The following FNBP1L variants were observed in gnomAD, a reference collection of about 807,000 sequenced individuals.
FNBP1L encodes formin-binding protein 1-like.
FNBP1L carries 36 observed loss-of-function variants against 91.2 expected under a neutral mutation model. That is an observed-to-expected ratio of 0.39 (90% CI 0.30 to 0.52). The LOEUF (loss-of-function observed/expected upper bound fraction) is 0.52, where lower values mean the gene tolerates loss of function less well. FNBP1L is among the 20% of genes least tolerant of loss of function. The probability of loss-of-function intolerance (pLI) is 0.66; values close to 1 mark genes in which losing one functional copy is unlikely to be tolerated. For missense variants in FNBP1L, 571 were observed against 732.1 expected (o/e 0.78, Z 2.54); for synonymous variants, 242 against 237.0 (o/e 1.02, Z -0.19).
intron 2 of FNBP1L, among the ~76,000 whole-genome samples, chr1:93,506,493 A>G (rs1670617455): frequency 6.6e-6 from 1 of 151,812 alleles, no homozygotes; most frequent in South Asian, 2.1e-4. Flanking sequence ...AATTTGGGCC[A>G]TATGTGTTAA....
chr1:93,494,738 C>G (rs1670207534), intron 1 of FNBP1L, among the ~76,000 whole-genome samples: 1 of 152,156 alleles, frequency 6.6e-6, no homozygotes, highest in Admixed American at 6.5e-5. Flanking sequence ...ATAAAGACAT[C>G]CAAGACTGGA....
chr1:93,543,975 T>A, intron 11 of FNBP1L, 132 bp from the exon 12 acceptor site: 2 of 507,362 alleles, frequency 3.9e-6, no homozygotes, highest in Non-Finnish European at 3.4e-6. Flanking sequence ...TTCTTTTTTT[T>A]TTAAGGGGTT....
At chr1:93,532,653 G>C (rs778092494) in intron 7 of FNBP1L, among the ~76,000 whole-genome samples, 17 of 152,038 alleles carry the variant, frequency 1.1e-4, no homozygotes, top group Non-Finnish European at 2.1e-4. Context: ...TAGCCAGTAA[G>C]GGGTCCTTTT....
intron 1 of FNBP1L, among the ~76,000 whole-genome samples, chr1:93,479,177 C>T (rs549815486): frequency 6.6e-6 from 1 of 152,136 alleles, no homozygotes; most frequent in East Asian, 1.9e-4. Flanking sequence ...TGATGCCTAC[C>T]TGATCCCCAA....
At chr1:93,462,729 G>A (rs1014678371) in intron 1 of FNBP1L, among the ~76,000 whole-genome samples, 2 of 152,128 alleles carry the variant, frequency 1.3e-5, no homozygotes, top group African/African-American at 2.4e-5. Context: ...TATTTCAAGG[G>A]TGTCTGTTAT....
intron 1 of FNBP1L, among the ~76,000 whole-genome samples, chr1:93,490,928 T>G (rs1476152964): frequency 6.6e-6 from 1 of 152,156 alleles, no homozygotes; most frequent in African/African-American, 2.4e-5. Flanking sequence ...CTTTGATTCT[T>G]ACATTTTATT....
chr1:93,553,022 A>G lies in FNBP1L; in HGVS notation c.*606A>G, dbSNP rs1373752728. On this transcript the variant is annotated 3_prime_UTR_variant, in exon 17 of 17. Coordinates refer to ENST00000271234, the MANE Select transcript of FNBP1L (RefSeq NM_001164473.3). ...CATCTTAGTATTTGTGCACACTGCT[A>G]TAACTTCCCCACTGCAAACATTCCA... The G allele has an allele frequency of 1.3e-5, 2 of 152,344 alleles. No homozygotes were observed. Among genetic ancestry groups the G allele is most frequent in the African/African-American group, 2.4e-5 (1 of 41,468 alleles). 9.4% of individuals were successfully genotyped at this position (152,344 alleles called of 1,614,324 possible). A position where few individuals can be genotyped will look rare whatever the true frequency, so the allele number is the denominator to read the frequency against.
intron 2 of FNBP1L, among the ~76,000 whole-genome samples, chr1:93,509,879 T>C (rs11164942): frequency 0.51 from 76,964 of 152,074 alleles, 21,629 homozygotes; most frequent in East Asian, 0.63. Flanking sequence ...GGGTCACTCC[T>C]ACCCGAATAC....
chr1:93,513,522 A>T (rs1421697739), intron 2 of FNBP1L, among the ~76,000 whole-genome samples: 1 of 151,712 alleles, frequency 6.6e-6, no homozygotes, highest in African/African-American at 2.4e-5. Flanking sequence ...AATCCTCAAT[A>T]AAATACTGGC....
rs757010427 is a variant in FNBP1L at position 93,547,419 on chromosome 1, C to G, written c.1480C>G (p.Leu494Val). 1.3e-6 allele frequency: 2 copies of G among 1,557,474 alleles called. No individual in the cohort carries two copies. The highest frequency in any genetic ancestry group is 1.7e-6 in the Non-Finnish European group (2 of 1,149,834). Residue 494 changes from leucine to valine, a missense_variant, in exon 14 of 17, where the codon CTT becomes GTT. By Grantham distance (32) the Leu-to-Val change is conservative. Transcript: ENST00000271234. ...DRRHSSDINH[L>V]VTQGRESPEG... Reference sequence around the variant, plus strand: ...AAGACATAGCAGTGACATAAATCATCTTGTAACACAGGGACGAGAAAGGTG... The same window carrying G: ...AAGACATAGCAGTGACATAAATCATGTTGTAACACAGGGACGAGAAAGGTG...
At position 93,547,416 on chromosome 1, in the gene FNBP1L, C is replaced by G. The variant is rs1672279204; in HGVS notation, c.1477C>G (p.His493Asp). Residue 493 changes from histidine to aspartate, a missense_variant, in exon 14 of 17, where the codon CAT becomes GAT. Physicochemically the swap from His to Asp is moderately conservative, Grantham distance 81. Around this residue, in one of 5 missense-constraint regions of FNBP1L, gnomAD observed 189 missense variants for 219.7 expected, o/e 0.86. Transcript: ENST00000271234. ...GDRRHSSDINHLVTQGRESPE... is the reference protein window; with the variant it reads ...GDRRHSSDINDLVTQGRESPE... ...CAGAAGACATAGCAGTGACATAAAT[C>G]ATCTTGTAACACAGGGACGAGAAAG... 1 of 1,557,450 alleles carries G rather than the reference C, an allele frequency of 6.4e-7. No homozygotes were observed. The highest frequency in any genetic ancestry group is 1.4e-5 in the African/African-American group (1 of 73,284).
chr1:93,520,513 T>G (rs1027339987), intron 2 of FNBP1L, among the ~76,000 whole-genome samples: 1 of 152,162 alleles, frequency 6.6e-6, no homozygotes, highest in East Asian at 1.9e-4. Flanking sequence ...TTTTTAATTA[T>G]TAGATTCAAA....
chr1:93,538,167 G>C (rs1428758032), intron 10 of FNBP1L, among the ~76,000 whole-genome samples: 1 of 151,184 alleles, frequency 6.6e-6, no homozygotes, highest in Non-Finnish European at 1.5e-5. Flanking sequence ...TGTAGTCATA[G>C]AGATGCGAGG....
intron 14 of FNBP1L, among the ~76,000 whole-genome samples, chr1:93,548,448 T>A (rs1672309019): frequency 1.3e-5 from 2 of 152,262 alleles, no homozygotes; most frequent in African/African-American, 4.8e-5. Flanking sequence ...TGGATTTTTT[T>A]AAGTTACCAA....
intron 1 of FNBP1L, among the ~76,000 whole-genome samples, chr1:93,490,692 G>A (rs147294542): frequency 6.6e-6 from 1 of 152,268 alleles, no homozygotes; most frequent in East Asian, 1.9e-4. Flanking sequence ...AGAGAATAGG[G>A]AAGTGATGCC....
At chr1:93,547,544 T>A in intron 14 of FNBP1L, 103 bp downstream of exon 14, 3 of 985,254 alleles carry the variant, frequency 3.0e-6, no homozygotes, top group Non-Finnish European at 4.5e-6. Context: ...TTTAACAAGT[T>A]AAGCTTTTAG....
intron 1 of FNBP1L, among the ~76,000 whole-genome samples, chr1:93,478,522 G>C (rs182856672): frequency 1.3e-5 from 2 of 152,164 alleles, no homozygotes; most frequent in African/African-American, 4.8e-5. Flanking sequence ...TGGAGAGGGG[G>C]GCAGTCCATG....
intron 14 of FNBP1L, among the ~76,000 whole-genome samples, chr1:93,548,640 T>G (rs1216764411): frequency 2.0e-5 from 3 of 152,178 alleles, no homozygotes; most frequent in Non-Finnish European, 1.5e-5. Flanking sequence ...TAGGACTCAA[T>G]TTCTCTCCAC....
At chr1:93,506,876 TTAAA>T (rs1017985328) in intron 2 of FNBP1L, among the ~76,000 whole-genome samples, 2 of 152,100 alleles carry the variant, frequency 1.3e-5, no homozygotes, top group African/African-American at 2.4e-5. Flanking sequence ...AATCAACAAC[TTAAA>T]TATATATTAA....
Sources: gnomAD v4.1 joint callset for allele counts (sites outside exome capture counted in the v4.1 genomes callset) on GRCh38, gnomAD v4.1.1 for gene constraint, gnomAD v4.1.1 regional missense constraint, MANE v1.5 for transcripts, NCBI Gene and HGNC (gene_info 2026-07-23, HGNC 2026-07-21) for gene names.